The following GABRA3 variants were observed in gnomAD, a reference collection of about 807,000 sequenced individuals.
The protein encoded by GABRA3 is gamma-aminobutyric acid type A receptor subunit alpha3, also known as gamma-aminobutyric acid receptor subunit alpha-3.
A neutral mutation model predicts 30.1 loss-of-function variants in GABRA3; 10 were observed. The observed-to-expected ratio is 0.33, with a 90% CI of 0.20 to 0.56. The LOEUF (loss-of-function observed/expected upper bound fraction) is 0.56, where lower values mean the gene tolerates loss of function less well. GABRA3 is among the 20% of genes least tolerant of loss of function. The pLI is 0.89. For missense variants in GABRA3, 233 were observed against 392.0 expected (o/e 0.59, Z 3.42); for synonymous variants, 151 against 146.8 (o/e 1.03, Z -0.21).
At chrX:152,251,441 T>C (rs1938553059) in intron 5 of GABRA3, among the ~76,000 whole-genome samples, 1 of 110,149 alleles carries the variant, frequency 9.1e-6, no homozygotes, top group Admixed American at 9.7e-5. Flanking sequence ...TTAAACCTAT[T>C]CTCTATGCTT....
At chrX:152,227,500 T>C (rs1454108202) in intron 5 of GABRA3, among the ~76,000 whole-genome samples, 1 of 106,951 alleles carries the variant, frequency 9.4e-6, no homozygotes, top group Admixed American at 1.0e-4. Context: ...ACCTGCACAT[T>C]GTGCACATGT....
Position 152,169,731 on chromosome X carries a change from T to A in GABRA3, c.1144-1168A>T, listed in dbSNP as rs149127155. Among the ~76,000 whole-genome samples the A allele has an allele frequency of 3.5e-3, 396 of 111,813 alleles. 1 individual carries two copies. The highest frequency in any genetic ancestry group is 0.012 in the African/African-American group (357 of 30,799). Reference sequence around the variant, plus strand: ...GGCTCTAGGGAAAAGTGGGTATAGATGAGCTTCAGAAATGCCCTAATTTCA... The same window carrying A: ...GGCTCTAGGGAAAAGTGGGTATAGAAGAGCTTCAGAAATGCCCTAATTTCA... On this transcript the variant is annotated intron_variant, in intron 9 of 9. Transcript: ENST00000370314.
intron 3 of GABRA3, among the ~76,000 whole-genome samples, chrX:152,293,861 G>A (rs1356753929): frequency 2.7e-5 from 3 of 111,304 alleles, no homozygotes; most frequent in Admixed American, 9.6e-5. Context: ...CTCTGTAAAG[G>A]ATTTTATTTC....
chrX:152,332,206 A>C (rs778340828), intron 3 of GABRA3, among the ~76,000 whole-genome samples: 1 of 112,030 alleles, frequency 8.9e-6, no homozygotes, highest in Non-Finnish European at 1.9e-5. Context: ...CAATACTATA[A>C]ACATTGTTCT....
intron 1 of GABRA3, among the ~76,000 whole-genome samples, chrX:152,403,941 G>A (rs893080413): frequency 2.7e-5 from 3 of 110,986 alleles, no homozygotes; most frequent in Non-Finnish European, 5.7e-5. Flanking sequence ...CATTTTCCAA[G>A]GAGGCATTTA....
chrX:152,330,582 A>G (rs1940148113), intron 3 of GABRA3, among the ~76,000 whole-genome samples: 1 of 110,670 alleles, frequency 9.0e-6, no homozygotes, highest in Non-Finnish European at 1.9e-5. Context: ...CCTCATTCTG[A>G]GCAAACTATC....
At chrX:152,389,410 G>A (rs1929415514) in intron 1 of GABRA3, 1 of 111,475 alleles carries the variant, frequency 9.0e-6, no homozygotes, top group Non-Finnish European at 1.9e-5. Context: ...TTTAAAAATG[G>A]CTTTGGTCCA....
chrX:152,314,098 T>C (rs1939837171), intron 3 of GABRA3, among the ~76,000 whole-genome samples: 1 of 111,488 alleles, frequency 9.0e-6, no homozygotes, highest in Non-Finnish European at 1.9e-5. Context: ...TCTGACCACA[T>C]CCAAGCACAC....
chrX:152,251,787 C>T (rs1938558987), intron 5 of GABRA3, among the ~76,000 whole-genome samples: 1 of 110,899 alleles, frequency 9.0e-6, no homozygotes, highest in African/African-American at 3.3e-5. Flanking sequence ...CTATTCCTTC[C>T]CTAATGCTCT....
chrX:152,429,715 C>T (rs1443622686), intron 1 of GABRA3, among the ~76,000 whole-genome samples: 1 of 112,075 alleles, frequency 8.9e-6, no homozygotes, highest in Non-Finnish European at 1.9e-5. Flanking sequence ...CTTCACACTC[C>T]TGTCTTCTCT....
intron 1 of GABRA3, among the ~76,000 whole-genome samples, chrX:152,401,408 T>C (rs1289203613): frequency 9.1e-6 from 1 of 110,301 alleles, no homozygotes; most frequent in Non-Finnish European, 1.9e-5. Flanking sequence ...ATATCTGTGC[T>C]CTTATGATGT....
intron 7 of GABRA3, among the ~76,000 whole-genome samples, chrX:152,201,633 A>G (rs1471106635): frequency 1.8e-5 from 2 of 112,153 alleles, no homozygotes. Context: ...GAAATATTTG[A>G]TAATAGAATG....
intron 3 of GABRA3, among the ~76,000 whole-genome samples, chrX:152,299,463 AC>A (rs1337904619): frequency 9.0e-6 from 1 of 111,354 alleles, no homozygotes; most frequent in Non-Finnish European, 1.9e-5. Context: ...ACAATGGCAT[AC>A]AAAGACATTG....
At chrX:152,420,053 AAAT>A (rs1417670047) in intron 1 of GABRA3, among the ~76,000 whole-genome samples, 4 of 112,194 alleles carry the variant, frequency 3.6e-5, no homozygotes, top group African/African-American at 1.3e-4. Flanking sequence ...TGTAGAAAAA[AAAT>A]CTGATAAAAT....
intron 1 of GABRA3, among the ~76,000 whole-genome samples, chrX:152,382,454 A>T (rs933800816): frequency 8.9e-6 from 1 of 112,412 alleles, no homozygotes; most frequent in African/African-American, 3.2e-5. Flanking sequence ...ATTGTAAATC[A>T]TTCTACCATA....
chrX:152,294,682 C>T (rs973528772), intron 3 of GABRA3, among the ~76,000 whole-genome samples: 2 of 111,502 alleles, frequency 1.8e-5, no homozygotes, highest in Admixed American at 9.6e-5. Context: ...TGGTGAGGAG[C>T]TGCGATCCTT....
intron 9 of GABRA3, among the ~76,000 whole-genome samples, chrX:152,179,844 T>G (rs1444669432): frequency 1.8e-5 from 2 of 111,504 alleles, no homozygotes; most frequent in Non-Finnish European, 3.8e-5. Flanking sequence ...GCTTATTTCA[T>G]TTATAGTAAT....
intron 5 of GABRA3, among the ~76,000 whole-genome samples, chrX:152,230,581 C>T (rs1360670010): frequency 9.1e-6 from 1 of 110,467 alleles, no homozygotes; most frequent in Non-Finnish European, 1.9e-5. Context: ...CTACAGTAAT[C>T]AATATGGTGC....
intron 3 of GABRA3, among the ~76,000 whole-genome samples, chrX:152,327,536 G>A (rs1450608424): frequency 8.9e-6 from 1 of 111,897 alleles, no homozygotes; most frequent in Non-Finnish European, 1.9e-5. Flanking sequence ...TAGAACTCAG[G>A]ATTAAGAAAC....
Sources: allele counts gnomAD v4.1 joint callset (sites outside exome capture counted in the v4.1 genomes callset), GRCh38; gene constraint gnomAD v4.1.1; transcripts MANE v1.5; gene names NCBI Gene and HGNC (gene_info 2026-07-23, HGNC 2026-07-21).